FAM168B: variants seen among roughly 807,000 people sequenced by gnomAD.
FAM168B encodes myelin-associated neurite-outgrowth inhibitor.
FAM168B carries 19 observed loss-of-function variants against 21.8 expected under a neutral mutation model. The observed-to-expected ratio is 0.87, with a 90% CI of 0.61 to 1.28. The LOEUF is 1.28. FAM168B is among the 50% of genes most tolerant of loss of function. The pLI is 0.00. For missense variants in FAM168B, 233 were observed against 263.1 expected (o/e 0.89, Z 0.79); for synonymous variants, 126 against 104.8 (o/e 1.20, Z -1.24).
At chr2:131,063,505 G>A (rs574765868) in intron 3 of FAM168B, among the ~76,000 whole-genome samples, 2 of 152,328 alleles carry the variant, frequency 1.3e-5, no homozygotes, top group South Asian at 4.1e-4. Context: ...GGGGCCAAGA[G>A]CTATGGTGCA....
At chr2:131,083,712 G>A (rs1252965913) in intron 1 of FAM168B, among the ~76,000 whole-genome samples, 1 of 152,176 alleles carries the variant, frequency 6.6e-6, no homozygotes, top group Non-Finnish European at 1.5e-5. Flanking sequence ...GTATTATACT[G>A]CATCCTGCAT....
At chr2:131,077,192 G>A (rs1693198344) in intron 2 of FAM168B, among the ~76,000 whole-genome samples, 1 of 144,532 alleles carries the variant, frequency 6.9e-6, no homozygotes, top group Non-Finnish European at 1.5e-5. Flanking sequence ...AAGATGGAGT[G>A]TATGTAACGC....
intron 2 of FAM168B, among the ~76,000 whole-genome samples, chr2:131,073,179 G>C (rs1011800302): frequency 6.8e-6 from 1 of 146,456 alleles, no homozygotes; most frequent in Non-Finnish European, 1.5e-5. Flanking sequence ...TGCAACCTCC[G>C]CCTCCTGGGT....
In FAM168B at chr2:131,049,474, T is replaced by C. The variant is rs1691515774; in HGVS notation, c.*2991A>G. ...GGTTCTGGAAGTGCCTTCAGGCCCA[T>C]TACCATGACTGGCCCTGACTCTGGC... On this transcript the variant is annotated 3_prime_UTR_variant, in exon 7 of 7. Transcript: ENST00000389915. The C allele has an allele frequency of 2.0e-6, 2 of 985,288 alleles. No individual in the cohort carries two copies. Among genetic ancestry groups the C allele is most frequent in the South Asian group, 4.7e-5 (1 of 21,286 alleles). The allele number at this position is 985,288 out of a possible 1,614,324, so 61.0% of individuals were successfully genotyped here. A position where few individuals can be genotyped will look rare whatever the true frequency, so the allele number is the denominator to read the frequency against.
chr2:131,048,056 C>T lies in FAM168B; in HGVS notation c.*4409G>A. On this transcript the variant is annotated 3_prime_UTR_variant, in exon 7 of 7. Coordinates refer to ENST00000389915, the MANE Select transcript of FAM168B (RefSeq NM_001009993.4). ...TCAGGATGGAAATTCCATTCCTTGG[C>T]ATGGATACGTAAGTTCAATGCAGAG... 1 of 529,420 alleles carries T rather than the reference C, an allele frequency of 1.9e-6. No individual in the cohort carries two copies. Among genetic ancestry groups the T allele is most frequent in the Non-Finnish European group, 2.8e-6 (1 of 361,800 alleles). 32.8% of individuals were successfully genotyped at this position (529,420 alleles called of 1,614,324 possible). A position where few individuals can be genotyped will look rare whatever the true frequency, so the allele number is the denominator to read the frequency against.
chr2:131,060,913 G>A (rs186740195), intron 3 of FAM168B, among the ~76,000 whole-genome samples: 2,878 of 151,626 alleles, frequency 0.019, 93 homozygotes, highest in African/African-American at 0.065. Context: ...GTGCAGTGGC[G>A]CAATCTCAGC....
intron 1 of FAM168B, among the ~76,000 whole-genome samples, chr2:131,084,740 G>A (rs1693596784): frequency 6.6e-6 from 1 of 151,906 alleles, no homozygotes; most frequent in Admixed American, 6.6e-5. Context: ...CTTATCCAGG[G>A]TATTATTTAC....
intron 1 of FAM168B, among the ~76,000 whole-genome samples, chr2:131,091,412 G>A (rs1325278962): frequency 6.6e-6 from 1 of 151,814 alleles, no homozygotes; most frequent in Non-Finnish European, 1.5e-5. Flanking sequence ...TTGGGAGGCC[G>A]ACGTAGGTGG....
intron 2 of FAM168B, among the ~76,000 whole-genome samples, chr2:131,072,549 C>G (rs1345747293): frequency 6.6e-6 from 1 of 151,948 alleles, no homozygotes; most frequent in East Asian, 1.9e-4. Flanking sequence ...TCACTGCAAC[C>G]TCCGTTTCAA....
At chr2:131,083,524 G>C (rs1693526941) in intron 1 of FAM168B, among the ~76,000 whole-genome samples, 1 of 152,192 alleles carries the variant, frequency 6.6e-6, no homozygotes, top group African/African-American at 2.4e-5. Flanking sequence ...CTGGACAACA[G>C]AGCGAGACTT....
At chr2:131,069,850 C>G (rs1692782944) in intron 3 of FAM168B, among the ~76,000 whole-genome samples, 1 of 149,486 alleles carries the variant, frequency 6.7e-6, no homozygotes, top group Admixed American at 6.7e-5. Context: ...AACGACTAAC[C>G]CTCATCAAAC....
chr2:131,090,456 T>TCCC (rs1693951884), intron 1 of FAM168B, among the ~76,000 whole-genome samples: 1 of 152,112 alleles, frequency 6.6e-6, no homozygotes, highest in African/African-American at 2.4e-5. Flanking sequence ...GCCTTTAAAA[T>TCCC]TTTATATCAA....
At chr2:131,072,712 C>T (rs1408594113) in intron 2 of FAM168B, among the ~76,000 whole-genome samples, 2 of 152,150 alleles carry the variant, frequency 1.3e-5, no homozygotes, top group Non-Finnish European at 2.9e-5. Flanking sequence ...CCACCTCAGC[C>T]TCCCGAAGTG....
Position 131,049,155 on chromosome 2 carries a change from A to G in FAM168B, c.*3310T>C. ...TTAGTACGTCGCAAGTTGCTGTAATAATGTATTTCCTCTCGTTACTGTTGT... is the reference window on the plus strand; with the variant it reads ...TTAGTACGTCGCAAGTTGCTGTAATGATGTATTTCCTCTCGTTACTGTTGT... On this transcript the variant is annotated 3_prime_UTR_variant, in exon 7 of 7. Coordinates refer to ENST00000389915, the MANE Select transcript of FAM168B (RefSeq NM_001009993.4). 1.0e-6 allele frequency: 1 copy of G among 985,358 alleles called. No homozygotes were observed. Among genetic ancestry groups the G allele is most frequent in the South Asian group, 4.7e-5 (1 of 21,286 alleles). 61.0% of individuals were successfully genotyped at this position (985,358 alleles called of 1,614,324 possible). A position where few individuals can be genotyped will look rare whatever the true frequency, so the allele number is the denominator to read the frequency against.
In FAM168B at chr2:131,049,282, C is replaced by A. The variant is rs767578496; in HGVS notation, c.*3183G>T. On this transcript the variant is annotated 3_prime_UTR_variant, in exon 7 of 7. Transcript: ENST00000389915. ...TACTGTATGCCCAGCTGGGGAAGGG[C>A]AAGACACTCACTGACCAGGTGCCCA... 73 of 985,352 alleles carry A rather than the reference C, an allele frequency of 7.4e-5. No homozygotes were observed. The highest frequency in any genetic ancestry group is 8.4e-5 in the Non-Finnish European group (70 of 830,002). 61.0% of individuals were successfully genotyped at this position (985,352 alleles called of 1,614,324 possible).
rs1466576699 is a variant in FAM168B at position 131,071,870 on chromosome 2, G to C, written c.139C>G (p.Pro47Ala). ...YSPNMYPGAN[P>A]TFQTGYTPGT... The stretch of plus-strand genomic sequence containing the variant: ...CAGCACATACCTGTTTGGAAGGTAG[G>C]ATTCGCTCCAGGATACATGTTAGGA... Residue 47 changes from proline (P) to alanine (A), a missense_variant, in exon 3 of 7, where the codon CCT (proline) becomes GCT (alanine). By Grantham distance (27) the Pro-to-Ala change is conservative (BLOSUM62 -1). Transcript: ENST00000389915. 1.2e-6 allele frequency: 2 copies of C among 1,613,936 alleles called. No individual in the cohort carries two copies. Among genetic ancestry groups the C allele is most frequent in the Admixed American group, 1.7e-5 (1 of 59,992 alleles).
chr2:131,050,976 C>A lies in FAM168B; in HGVS notation c.*1489G>T. 1 of 985,332 alleles carries A rather than the reference C, an allele frequency of 1.0e-6. No homozygotes were observed. The highest frequency in any genetic ancestry group is 1.2e-6 in the Non-Finnish European group (1 of 829,958). The allele number at this position is 985,332 out of a possible 1,614,324, so 61.0% of individuals were successfully genotyped here. On this transcript the variant is annotated 3_prime_UTR_variant, in exon 7 of 7. Transcript: ENST00000389915. ...GACATGCACTCTCATGGATACAGGA[C>A]GGGCATATTTTGGGGGCGGGGTGGA...
chr2:131,054,804 G>A (rs565788167), intron 5 of FAM168B, among the ~76,000 whole-genome samples: 2 of 152,310 alleles, frequency 1.3e-5, no homozygotes, highest in African/African-American at 4.8e-5. Context: ...AAGTACGGTA[G>A]ATGAATGCCA....
chr2:131,075,055 T>C (rs1693068056), intron 2 of FAM168B, among the ~76,000 whole-genome samples: 1 of 152,042 alleles, frequency 6.6e-6, no homozygotes, highest in Non-Finnish European at 1.5e-5. Flanking sequence ...GTTTGCCCTC[T>C]CTAATTAGTC....
Sources: allele counts gnomAD v4.1 joint callset (sites outside exome capture counted in the v4.1 genomes callset), GRCh38; gene constraint gnomAD v4.1.1; transcripts MANE v1.5; gene names NCBI Gene and HGNC (gene_info 2026-07-23, HGNC 2026-07-21).